Variants in KLHL13 observed in about 807,000 individuals in gnomAD.
KLHL13 encodes the protein kelch-like protein 13.
Under a neutral mutation model 37.1 loss-of-function variants are expected in KLHL13, and 10 were observed. The observed-to-expected ratio is 0.27, with a 90% confidence interval of 0.17 to 0.46. The LOEUF is 0.46. Ranked by LOEUF, KLHL13 falls within the 20% of genes least tolerant of loss-of-function variation. The pLI is 1.00. For synonymous variants in KLHL13, 163 were observed against 181.2 expected, an observed-to-expected ratio of 0.90 and a Z score of 0.81; for missense variants, 360 against 509.3, an observed-to-expected ratio of 0.71 and a Z score of 2.82.
chrX:117,986,203 G>A (rs373210032), intron 1 of KLHL13, among the ~76,000 whole-genome samples: 1 of 110,944 alleles, frequency 9.0e-6, no homozygotes, highest in African/African-American at 3.3e-5. Context: ...CAGCAGCAGA[G>A]GAATAACAAA....
chrX:117,909,838 T>C, exon 5 of KLHL13: 1 of 1,212,047 alleles, frequency 8.3e-7, no homozygotes, highest in South Asian at 1.8e-5. Context: ...TTCATTAATT[T>C]TGCAGCAAAG....
chrX:117,945,515 G>A, exon 2 of KLHL13: 1 of 1,202,260 alleles, frequency 8.3e-7, no homozygotes, highest in Non-Finnish European at 1.1e-6. Context: ...GGGATGAGAG[G>A]CCCATTTCGC....
At chrX:118,008,503 A>C (rs1269442858) in intron 1 of KLHL13, among the ~76,000 whole-genome samples, 6 of 111,939 alleles carry the variant, frequency 5.4e-5, no homozygotes, top group Non-Finnish European at 1.1e-4. Flanking sequence ...ATCTAATACT[A>C]TGGGAGCTGT....
chrX:118,065,738 T>C (rs188016966), intron 1 of KLHL13, among the ~76,000 whole-genome samples: 1 of 111,712 alleles, frequency 9.0e-6, no homozygotes, highest in Non-Finnish European at 1.9e-5. Flanking sequence ...CTAGGCTCCA[T>C]TAGGCTAGAG....
At chrX:118,007,327 T>C (rs752036097) in intron 1 of KLHL13, among the ~76,000 whole-genome samples, 3 of 94,586 alleles carry the variant, frequency 3.2e-5, no homozygotes, top group Non-Finnish European at 6.1e-5. Context: ...GAGAATCACT[T>C]GAGCCACTGC....
chrX:117,945,472 T>C, exon 2 of KLHL13: 1 of 1,210,457 alleles, frequency 8.3e-7, no homozygotes, highest in Non-Finnish European at 1.1e-6. Context: ...CTGGTAAAGA[T>C]GCGTGTAGGT....
At chrX:118,076,206 G>A (rs754175607) in intron 1 of KLHL13, among the ~76,000 whole-genome samples, 2 of 111,453 alleles carry the variant, frequency 1.8e-5, no homozygotes, top group East Asian at 2.8e-4. Flanking sequence ...TTAGAAAGAG[G>A]AGCATAAGAA....
At chrX:117,924,954 C>T (rs1476987503) in intron 2 of KLHL13, among the ~76,000 whole-genome samples, 1 of 110,819 alleles carries the variant, frequency 9.0e-6, no homozygotes, top group Non-Finnish European at 1.9e-5. Context: ...TTTCTCTTCA[C>T]TGTATTAAAC....
chrX:118,028,484 A>C (rs1483056119), intron 1 of KLHL13: 1 of 1,085,101 alleles, frequency 9.2e-7, no homozygotes, highest in Non-Finnish European at 1.2e-6. Flanking sequence ...CACCTCTAAA[A>C]GTTGGATAAT....
At chrX:117,949,925 A>T (rs1278117383) in intron 1 of KLHL13, among the ~76,000 whole-genome samples, 1 of 112,308 alleles carries the variant, frequency 8.9e-6, no homozygotes, top group Non-Finnish European at 1.9e-5. Flanking sequence ...TCAAATAAAA[A>T]GCAACATCTT....
chrX:117,898,857 T>C (rs1400432115), exon 7 of KLHL13: 5 of 1,134,997 alleles, frequency 4.4e-6, no homozygotes, highest in Non-Finnish European at 5.9e-6. Context: ...GAAGAGAATT[T>C]ATGACACATT....
intron 1 of KLHL13, among the ~76,000 whole-genome samples, chrX:118,090,827 AC>A (rs1405303229): frequency 9.1e-6 from 1 of 109,969 alleles, no homozygotes; most frequent in Non-Finnish European, 1.9e-5. Flanking sequence ...ACACATGCAC[AC>A]GTATGTTTAT....
In KLHL13 at chrX:117,925,881, G is replaced by A. The variant is rs756663766; in HGVS notation, c.241-5511C>T. ...TGTTGTTGTTGTTTTGTAGAGAAGG[G>A]GTTTCATCATGTTACCCAGGCTGGC... On this transcript the variant is annotated intron_variant, in intron 2 of 6. Transcript: ENST00000262820. Among the ~76,000 whole-genome samples, 5 of 111,051 alleles carry A rather than the reference G, an allele frequency of 4.5e-5. No individual in the cohort carries two copies. In the South Asian group the frequency reaches 1.9e-3, roughly 42 times the overall value.
intron 1 of KLHL13, among the ~76,000 whole-genome samples, chrX:118,013,278 G>T (rs187553313): frequency 8.9e-6 from 1 of 111,810 alleles, no homozygotes; most frequent in Non-Finnish European, 1.9e-5. Flanking sequence ...CTTTAGATTG[G>T]ATGGTCAAAG....
intron 1 of KLHL13, among the ~76,000 whole-genome samples, chrX:118,086,031 G>A (rs912284949): frequency 1.1e-4 from 12 of 110,125 alleles, no homozygotes; most frequent in Admixed American, 1.9e-4. Context: ...TCTGCTTCCC[G>A]GGTTCAAGCA....
At chrX:117,994,081 A>G (rs777826314) in intron 1 of KLHL13, among the ~76,000 whole-genome samples, 14 of 111,850 alleles carry the variant, frequency 1.3e-4, no homozygotes, top group Non-Finnish European at 2.4e-4. Flanking sequence ...TAATTTCAAA[A>G]GCAAATTTTG....
At chrX:117,923,945 C>T (rs759909900) in intron 2 of KLHL13, among the ~76,000 whole-genome samples, 2 of 111,997 alleles carry the variant, frequency 1.8e-5, no homozygotes, top group South Asian at 7.4e-4. Context: ...TTAACAAATT[C>T]GGAGTGTCTT....
chrX:118,069,531 C>T lies in KLHL13; in HGVS notation c.-56+46977G>A, dbSNP rs776416467. ...CCCATGTACCAAAATTGAACTTGTA[C>T]CCCTTACATTTATACAAATAAAAAA... On this transcript the variant is annotated intron_variant, in intron 1 of 6. Coordinates refer to the KLHL13 transcript ENST00000371882. Among the ~76,000 whole-genome samples, 17 of 108,509 alleles carry T rather than the reference C, an allele frequency of 1.6e-4. No individual in the cohort carries two copies. In the South Asian group the frequency reaches 6.0e-3, roughly 38 times the overall value. The allele number at this position is 108,509 out of a possible 115,157, so 94.2% of individuals were successfully genotyped here.
intron 1 of KLHL13, among the ~76,000 whole-genome samples, chrX:118,040,227 A>C (rs2054492779): frequency 8.9e-6 from 1 of 111,804 alleles, no homozygotes; most frequent in Non-Finnish European, 1.9e-5. Flanking sequence ...AAACGTTGAG[A>C]CCACCCAGGA....
Sources: gnomAD v4.1 joint callset for allele counts (sites outside exome capture counted in the v4.1 genomes callset) on GRCh38, gnomAD v4.1.1 for gene constraint, MANE v1.5 for transcripts, NCBI Gene and HGNC (gene_info 2026-07-23, HGNC 2026-07-21) for gene names.